POLR2B: variants seen among roughly 807,000 people sequenced by gnomAD.
POLR2B encodes the protein RNA polymerase II subunit B.
Under a neutral mutation model 144.6 loss-of-function variants are expected in POLR2B, and 57 were observed. The ratio of observed to expected loss-of-function variants is 0.39; its 90% confidence interval spans 0.32 to 0.49. The LOEUF is 0.49. Among genes scored for constraint, POLR2B ranks in the 20% least tolerant of loss-of-function variants. POLR2B has a pLI of 0.83. For missense variants in POLR2B, 595 were observed against 1,467.4 expected (o/e 0.41, Z 9.71); for synonymous variants, 442 against 469.8 (o/e 0.94, Z 0.77).
intron 7 of POLR2B, among the ~76,000 whole-genome samples, chr4:57,001,440 C>T (rs1395163531): frequency 6.6e-6 from 1 of 152,250 alleles, no homozygotes; most frequent in East Asian, 1.9e-4. Context: ...GGATTACAGG[C>T]ATGAGCCAGC....
chr4:57,011,967 A>T (rs909172846), intron 13 of POLR2B, among the ~76,000 whole-genome samples: 1 of 152,244 alleles, frequency 6.6e-6, no homozygotes, highest in Non-Finnish European at 1.5e-5. Context: ...AAAGCTGAGA[A>T]TACTTTTTAA....
At chr4:57,008,369 A>AT (rs576794237) in intron 10 of POLR2B, among the ~76,000 whole-genome samples, 87 of 152,048 alleles carry the variant, frequency 5.7e-4, no homozygotes, top group African/African-American at 2.0e-3. Context: ...CGCCTGGCTA[A>AT]TTTTTTGTAT....
intron 14 of POLR2B, 62 bp from the exon 15 acceptor site, chr4:57,016,976 TTTAAG>T: frequency 1.4e-6 from 1 of 703,852 alleles, no homozygotes; most frequent in Non-Finnish European, 2.2e-6. Flanking sequence ...TAGGAATACT[TTTAAG>T]TAGGAGGAAT....
chr4:57,007,226 A>T (rs1578576338), intron 10 of POLR2B, among the ~76,000 whole-genome samples: 1 of 152,336 alleles, frequency 6.6e-6, no homozygotes, highest in South Asian at 2.1e-4. Context: ...CCTGGCCAAC[A>T]TGGCGAAACC....
chr4:56,993,149 A>C (rs1162229501), intron 3 of POLR2B, among the ~76,000 whole-genome samples: 1 of 151,856 alleles, frequency 6.6e-6, no homozygotes, highest in Non-Finnish European at 1.5e-5. Flanking sequence ...ACCAAAAAAT[A>C]CAAAAATTAG....
chr4:57,019,766 T>A (rs1723482276), intron 16 of POLR2B, among the ~76,000 whole-genome samples: 7 of 150,482 alleles, frequency 4.7e-5, no homozygotes, highest in Admixed American at 3.3e-4. Context: ...TGTCTTTTTT[T>A]TTTTTTTTTT....
At chr4:56,995,495 G>A (rs1722651109) in intron 6 of POLR2B, 86 bp downstream of exon 6, 1 of 935,538 alleles carries the variant, frequency 1.1e-6, no homozygotes. Context: ...GTCCATAGAA[G>A]CTTTTCTGGA....
intron 1 of POLR2B, among the ~76,000 whole-genome samples, chr4:56,979,240 C>A (rs1400189798): frequency 2.6e-5 from 4 of 152,092 alleles, no homozygotes; most frequent in Non-Finnish European, 4.4e-5. Context: ...TTTCTCGTTC[C>A]GTTAGATCTG....
intron 6 of POLR2B, 109 bp from the exon 7 acceptor site, chr4:56,999,508 T>C: frequency 4.6e-6 from 3 of 652,940 alleles, no homozygotes; most frequent in Non-Finnish European, 7.1e-6. Context: ...GGCGTGCTTC[T>C]TTTGAAATGT....
chr4:57,022,852 C>T (rs1034471306), intron 18 of POLR2B, among the ~76,000 whole-genome samples: 1 of 152,128 alleles, frequency 6.6e-6, no homozygotes, highest in Non-Finnish European at 1.5e-5. Flanking sequence ...ACTCCCCTTC[C>T]ATTGGGTGGC....
At chr4:56,987,698 T>C (rs7685791) in intron 2 of POLR2B, among the ~76,000 whole-genome samples, 36,581 of 152,010 alleles carry the variant, frequency 0.24, 4,645 homozygotes, top group Middle Eastern at 0.35. Context: ...CTGGCCAACA[T>C]AGTGAAGCTC....
chr4:56,989,616 A>T (rs909248037), intron 2 of POLR2B, among the ~76,000 whole-genome samples: 1 of 152,224 alleles, frequency 6.6e-6, no homozygotes, highest in South Asian at 2.1e-4. Flanking sequence ...TGATGTGAAG[A>T]TGGGGGAGTC....
chr4:57,017,661 T>C lies in POLR2B; in HGVS notation c.2256T>C (p.Tyr752=). 1 of 1,613,904 alleles carries C rather than the reference T, an allele frequency of 6.2e-7. No homozygotes were observed. The highest frequency in any genetic ancestry group is 8.5e-7 in the Non-Finnish European group (1 of 1,179,796). The part of the protein sequence containing the change: ...VRMDTLAHVL[Y]YPQKPLVTTR... ...TGGACACATTGGCCCATGTTCTCTATTATCCTCAAAAGCCACTTGTGACTA... is the reference window on the plus strand; with the variant it reads ...TGGACACATTGGCCCATGTTCTCTACTATCCTCAAAAGCCACTTGTGACTA... The change falls in exon 16 of 25, where the codon TAT becomes TAC. Residue 752 remains tyrosine, a synonymous_variant. Coordinates refer to ENST00000314595, the MANE Select transcript of POLR2B (RefSeq NM_000938.3). This position sits in a 1 kb window ranked among gnomAD's most constrained non-coding sequence, Gnocchi z 4.8.
chr4:57,018,169 A>T (rs1723428020), intron 16 of POLR2B, among the ~76,000 whole-genome samples: 2 of 152,164 alleles, frequency 1.3e-5, no homozygotes, highest in Non-Finnish European at 1.5e-5. Flanking sequence ...GAGAGCTTGA[A>T]CAGGTTGAAT....
In POLR2B at chr4:57,023,707, C is replaced by A. The variant is rs138731674; in HGVS notation, c.2812C>A (p.Arg938=). Residue 938 remains arginine, a synonymous_variant, in exon 20 of 25, where the codon CGA becomes AGA. Coordinates refer to ENST00000314595, the MANE Select transcript of POLR2B (RefSeq NM_000938.3). The surrounding 1 kb of genome is among the most constrained non-coding windows in gnomAD (Gnocchi z 4.3). ...ACAGATTGGAGACAAATTTGCTAGT[C>A]GACATGGTCAAAAGGGTACTTGTGG... The part of the protein sequence containing the change: ...IPQIGDKFAS[R]HGQKGTCGIQ... 12 of 1,612,800 alleles carry A rather than the reference C, an allele frequency of 7.4e-6. No individual in the cohort carries two copies. The highest frequency in any genetic ancestry group is 1.0e-5 in the Non-Finnish European group (12 of 1,178,976).
Position 57,006,901 on chromosome 4 carries a change from A to T in POLR2B, c.1303A>T (p.Ile435Phe). The change falls in exon 10 of 25, where the codon ATT (isoleucine) becomes TTT (phenylalanine). Residue 435 changes from isoleucine (I) to phenylalanine (F), a missense_variant. By Grantham distance (21) the Ile-to-Phe change is conservative. Around this residue, in one of 9 missense-constraint regions of POLR2B, gnomAD observed 251 missense variants for 567.3 expected, o/e 0.44. Coordinates refer to ENST00000314595, the MANE Select transcript of POLR2B (RefSeq NM_000938.3). ...AAAGGATTTTAACTTGGAGTTGGCA[A>T]TTAAAACACGGATCATATCTGATGG... The part of the protein sequence containing the change: ...RGKDFNLELA[I>F]KTRIISDGLK... The T allele has an allele frequency of 6.2e-7, 1 of 1,613,370 alleles. No homozygotes were observed. The highest frequency in any genetic ancestry group is 8.5e-7 in the Non-Finnish European group (1 of 1,179,286).
At chr4:56,982,593 A>T (rs76865823) in intron 1 of POLR2B, among the ~76,000 whole-genome samples, 1 of 151,648 alleles carries the variant, frequency 6.6e-6, no homozygotes, top group South Asian at 2.1e-4. Flanking sequence ...AGAGAATATT[A>T]AAAAAAAATT....
chr4:57,007,125 G>C (rs557476761), intron 10 of POLR2B, 123 bp downstream of exon 10: 5 of 714,312 alleles, frequency 7.0e-6, no homozygotes, highest in African/African-American at 5.4e-5. Context: ...AAAACTACTG[G>C]GTGCCGGGTG....
At chr4:57,007,121 A>G in intron 10 of POLR2B, 119 bp downstream of exon 10, 1 of 738,062 alleles carries the variant, frequency 1.4e-6, no homozygotes, top group South Asian at 2.0e-5. Flanking sequence ...AGGTAAAACT[A>G]CTGGGTGCCG....
Sources: allele counts gnomAD v4.1 joint callset (sites outside exome capture counted in the v4.1 genomes callset), GRCh38; gene constraint gnomAD v4.1.1; regional missense constraint gnomAD v4.1.1; non-coding constraint Gnocchi (gnomAD v3.1); transcripts MANE v1.5; gene names NCBI Gene and HGNC (gene_info 2026-07-23, HGNC 2026-07-21).